Variants in SKAP1 observed in about 807,000 individuals in gnomAD.
SKAP1 encodes src kinase associated phosphoprotein 1.
A neutral mutation model predicts 58.5 loss-of-function variants in SKAP1; 44 were observed. That is an observed-to-expected ratio of 0.75 (90% confidence interval 0.59 to 0.97). The LOEUF is 0.97. SKAP1 is among the 50% of genes least tolerant of loss of function. The pLI is 0.00. For missense variants in SKAP1, 390 were observed against 435.2 expected (o/e 0.90, Z 0.92); for synonymous variants, 127 against 149.7 (o/e 0.85, Z 1.11).
intron 4 of SKAP1, among the ~76,000 whole-genome samples, chr17:48,327,224 G>A (rs1391220068): frequency 6.6e-6 from 1 of 152,062 alleles, no homozygotes; most frequent in Non-Finnish European, 1.5e-5. Flanking sequence ...AAGGTTTATG[G>A]TCATTCAGAA....
chr17:48,201,498 T>G (rs994930428), intron 4 of SKAP1, among the ~76,000 whole-genome samples: 3 of 152,094 alleles, frequency 2.0e-5, no homozygotes, highest in Non-Finnish European at 4.4e-5. Flanking sequence ...CCTCCTGCCC[T>G]CAGCCTCCCA....
rs551987291 is a variant in SKAP1, at chr17:48,146,408, G to A, written c.979-9071C>T. 1.8e-4 allele frequency among the ~76,000 whole-genome samples: 27 copies of A among 151,356 alleles called. No homozygotes were observed. In the South Asian group the frequency reaches 4.2e-3, roughly 24 times the overall value. On this transcript the variant is annotated intron_variant, in intron 11 of 12. Transcript: ENST00000336915. ...CTCGGGAGGCTAAGGCAGGATAATC[G>A]CTTGAACCTAGGAGGCAGAGGTTGC...
intron 4 of SKAP1, among the ~76,000 whole-genome samples, chr17:48,256,721 G>A (rs757208319): frequency 6.6e-6 from 1 of 151,862 alleles, no homozygotes; most frequent in Non-Finnish European, 1.5e-5. Context: ...AGAGAAGGAA[G>A]GTAAAAATGG....
intron 4 of SKAP1, among the ~76,000 whole-genome samples, chr17:48,300,509 A>G (rs1186954084): frequency 6.6e-6 from 1 of 152,138 alleles, no homozygotes; most frequent in Non-Finnish European, 1.5e-5. Context: ...AAAGGGATAG[A>G]CAGCTCAGTG....
chr17:48,370,048 C>T (rs987310234), intron 2 of SKAP1, among the ~76,000 whole-genome samples: 4 of 152,116 alleles, frequency 2.6e-5, no homozygotes, highest in Admixed American at 1.3e-4. Flanking sequence ...AGATATGATT[C>T]GTCTACAGAT....
chr17:48,393,492 T>C (rs2067376033), intron 2 of SKAP1, among the ~76,000 whole-genome samples: 1 of 152,192 alleles, frequency 6.6e-6, no homozygotes, highest in Non-Finnish European at 1.5e-5. Flanking sequence ...CCTGTGGTCA[T>C]TCACTCTAGA....
At chr17:48,358,733 G>C (rs2066904702) in intron 3 of SKAP1, among the ~76,000 whole-genome samples, 1 of 152,120 alleles carries the variant, frequency 6.6e-6, no homozygotes, top group African/African-American at 2.4e-5. Flanking sequence ...CATAATATTT[G>C]TTACCACTTT....
chr17:48,177,635 C>T (rs1013288057), intron 9 of SKAP1, among the ~76,000 whole-genome samples: 8 of 152,084 alleles, frequency 5.3e-5, no homozygotes, highest in African/African-American at 1.9e-4. Context: ...TAGGCCCCCT[C>T]ACATTCCCTT....
chr17:48,229,749 A>G (rs918973926), intron 4 of SKAP1, among the ~76,000 whole-genome samples: 1 of 152,108 alleles, frequency 6.6e-6, no homozygotes, highest in Non-Finnish European at 1.5e-5. Context: ...GCTGGTGCTA[A>G]ACACCAATGT....
At chr17:48,290,392 C>T (rs778265676) in intron 4 of SKAP1, among the ~76,000 whole-genome samples, 16 of 152,190 alleles carry the variant, frequency 1.1e-4, no homozygotes, top group Non-Finnish European at 2.2e-4. Flanking sequence ...AACTATTTAA[C>T]CCTGGCTGCT....
chr17:48,384,928 T>C (rs865985563), intron 2 of SKAP1, among the ~76,000 whole-genome samples: 4 of 151,878 alleles, frequency 2.6e-5, no homozygotes, highest in Non-Finnish European at 4.4e-5. Flanking sequence ...AACTGCCTCC[T>C]AAGGAGAACG....
intron 11 of SKAP1, among the ~76,000 whole-genome samples, chr17:48,158,696 C>T (rs1247695634): frequency 6.6e-6 from 1 of 151,764 alleles, no homozygotes; most frequent in African/African-American, 2.4e-5. Context: ...CGCAGTGGCT[C>T]ACGCCTGTAA....
At chr17:48,371,922 C>A (rs139546095) in intron 2 of SKAP1, among the ~76,000 whole-genome samples, 41 of 152,008 alleles carry the variant, frequency 2.7e-4, no homozygotes, top group African/African-American at 9.4e-4. Flanking sequence ...CATTTATTAG[C>A]ACTTACATGT....
intron 9 of SKAP1, among the ~76,000 whole-genome samples, chr17:48,171,392 C>T (rs1403939391): frequency 1.3e-5 from 2 of 152,062 alleles, no homozygotes; most frequent in African/African-American, 4.8e-5. Flanking sequence ...AGGCGTGAGC[C>T]ACCGTGCCTG....
intron 1 of SKAP1, among the ~76,000 whole-genome samples, chr17:48,416,773 G>A (rs962139930): frequency 2.0e-5 from 3 of 152,124 alleles, no homozygotes; most frequent in Non-Finnish European, 4.4e-5. Flanking sequence ...ACAGCTTCTG[G>A]TAGAAACAAA....
intron 4 of SKAP1, among the ~76,000 whole-genome samples, chr17:48,288,635 GA>G (rs1279043064): frequency 6.6e-6 from 1 of 152,142 alleles, no homozygotes; most frequent in African/African-American, 2.4e-5. Context: ...GCAGTGAGCC[GA>G]GACTGAGCCA....
chr17:48,339,666 T>C (rs544942602), intron 4 of SKAP1, among the ~76,000 whole-genome samples: 3 of 152,302 alleles, frequency 2.0e-5, no homozygotes, highest in Admixed American at 6.5e-5. Context: ...TACTCCAAAG[T>C]TGTCAGCAAG....
At position 48,205,013 on chromosome 17, in the gene SKAP1, CTTTTTCTTTCTTTCTTTCTTTCTT is replaced by C. The variant is rs1217597475; in HGVS notation, c.281-15537_281-15514del. Among the ~76,000 whole-genome samples, 448 of 76,012 alleles carry C rather than the reference CTTTTTCTTTCTTTCTTTCTTTCTT, an allele frequency of 5.9e-3. 4 individuals are homozygous for C. The highest frequency in any genetic ancestry group is 0.024 in the Middle Eastern group (4 of 168). The allele number at this position is 76,012 out of a possible 152,430, so 49.9% of individuals were successfully genotyped here. On this transcript the variant is annotated intron_variant, in intron 4 of 12. Transcript: ENST00000336915. ...TCTTTCTTTCTTTCTTTCTTTCTTT[CTTTTTCTTTCTTTCTTTCTTTCTT>C]TCTCTCTCTCTCTTTCTTTCTTCTT...
Position 48,379,674 on chromosome 17 carries a change from A to ATCT in SKAP1, c.153-15863_153-15861dup, listed in dbSNP as rs201901119. ...AATTGTAAAGATTCTATACTAAAGT[A>ATCT]TCTTCTTCTTTTTTTTTTTTTTTTT... On this transcript the variant is annotated intron_variant, in intron 2 of 12. Coordinates refer to ENST00000336915, the MANE Select transcript of SKAP1 (RefSeq NM_003726.4). 2.9e-3 allele frequency among the ~76,000 whole-genome samples: 403 copies of ATCT among 140,132 alleles called. 7 individuals are homozygous for ATCT. The highest frequency in any genetic ancestry group is 4.6e-3 in the African/African-American group (168 of 36,610). The allele number at this position is 140,132 out of a possible 152,430, so 91.9% of individuals were successfully genotyped here.
Sources: allele counts gnomAD v4.1 joint callset (sites outside exome capture counted in the v4.1 genomes callset), GRCh38; gene constraint gnomAD v4.1.1; transcripts MANE v1.5; gene names NCBI Gene and HGNC (gene_info 2026-07-23, HGNC 2026-07-21).